ZFP14: variants seen among roughly 807,000 people sequenced by gnomAD.
The protein encoded by ZFP14 is ZFP14 zinc finger protein, also known as zinc finger protein 14 homolog.
Under a neutral mutation model 54.5 loss-of-function variants are expected in ZFP14, and 22 were observed. That is an observed-to-expected ratio of 0.40 (90% CI 0.29 to 0.58). ZFP14 has a LOEUF of 0.58. Ranked by LOEUF, ZFP14 falls within the 20% of genes least tolerant of loss-of-function variation. The probability of loss-of-function intolerance (pLI) is 0.39; values close to 1 mark genes in which losing one functional copy is unlikely to be tolerated. For synonymous variants in ZFP14, 159 were observed against 204.0 expected, an observed-to-expected ratio of 0.78 and a Z score of 1.88; for missense variants, 470 against 637.8, an observed-to-expected ratio of 0.74 and a Z score of 2.83.
intron 4 of ZFP14, among the ~76,000 whole-genome samples, chr19:36,348,882 A>AT (rs567162694): frequency 4.3e-4 from 66 of 151,946 alleles, no homozygotes; most frequent in Non-Finnish European, 6.3e-4. Context: ...GCTGGCTTGT[A>AT]TTTTTTTTAT....
At chr19:36,368,351 C>T (rs1327013243) in intron 1 of ZFP14, among the ~76,000 whole-genome samples, 2 of 152,126 alleles carry the variant, frequency 1.3e-5, no homozygotes, top group African/African-American at 4.8e-5. Flanking sequence ...GCTTGTAATC[C>T]CAGCTACTCG....
chr19:36,363,441 C>G (rs1402594132), intron 2 of ZFP14, among the ~76,000 whole-genome samples: 2 of 151,662 alleles, frequency 1.3e-5, no homozygotes, highest in East Asian at 3.9e-4. Context: ...GTGATCCGCC[C>G]GCCTCGGCTT....
At chr19:36,342,462 C>A (rs894209017) in intron 4 of ZFP14, among the ~76,000 whole-genome samples, 4 of 152,172 alleles carry the variant, frequency 2.6e-5, no homozygotes, top group African/African-American at 9.7e-5. Flanking sequence ...GCTGGGATTA[C>A]AGGTGTGAGC....
At chr19:36,360,321 G>A (rs1454630188) in intron 4 of ZFP14, 114 bp downstream of exon 4, 5 of 841,450 alleles carry the variant, frequency 5.9e-6, no homozygotes, top group Non-Finnish European at 8.7e-6. Flanking sequence ...GCCTCCATAG[G>A]CCAGGGGCTT....
chr19:36,350,593 C>T lies in ZFP14; in HGVS notation c.236-9003G>A, dbSNP rs1376849590. ...TCCAACCTGGGCATCCAAGCAAGAT[C>T]CTGTCTTTAAAAAACCAAAAAAAAA... On this transcript the variant is annotated intron_variant, in intron 4 of 4. Transcript: ENST00000270001. Among the ~76,000 whole-genome samples, 23 of 140,270 alleles carry T rather than the reference C, an allele frequency of 1.6e-4. 4 individuals carry two copies. Among genetic ancestry groups the T allele is most frequent in the Non-Finnish European group, 3.6e-4 (23 of 63,756 alleles). 92.0% of individuals were successfully genotyped at this position (140,270 alleles called of 152,430 possible). A position where few individuals can be genotyped will look rare whatever the true frequency, so the allele number is the denominator to read the frequency against.
chr19:36,346,763 C>T (rs2031423224), intron 4 of ZFP14, among the ~76,000 whole-genome samples: 1 of 152,214 alleles, frequency 6.6e-6, no homozygotes, highest in South Asian at 2.1e-4. Context: ...GCCGCTCTCA[C>T]ATTTTTTGTA....
rs1353274199 is a variant in ZFP14, at chr19:36,348,599, C to T, written c.236-7009G>A. On this transcript the variant is annotated intron_variant, in intron 4 of 4. Transcript: ENST00000270001. ...GCAACCTCCGCCTCCTGGATTCAAG[C>T]GATTCTCCTGCCTCAGCCTCCCAAG... is the stretch of plus-strand genomic sequence containing the variant. Among the ~76,000 whole-genome samples, 4 of 152,226 alleles carry T rather than the reference C, an allele frequency of 2.6e-5. No homozygotes were observed. In the East Asian group the frequency reaches 5.8e-4, roughly 22 times the overall value.
At chr19:36,356,736 T>C (rs1177977305) in intron 4 of ZFP14, among the ~76,000 whole-genome samples, 1 of 131,898 alleles carries the variant, frequency 7.6e-6, no homozygotes, top group Non-Finnish European at 1.7e-5. Flanking sequence ...ATGTAGTGCA[T>C]AACCATTTGT....
Position 36,340,154 on chromosome 19 carries a change from A to T in ZFP14, c.*70T>A. 2.1e-6 allele frequency: 3 copies of T among 1,426,352 alleles called. No individual in the cohort carries two copies. Among genetic ancestry groups the T allele is most frequent in the Non-Finnish European group, 2.8e-6 (3 of 1,073,008 alleles). The allele number at this position is 1,426,352 out of a possible 1,614,324, so 88.4% of individuals were successfully genotyped here. Reference sequence around the variant, plus strand: ...TTTATTATGCTTGGAATTGAGCATGAAACACATTTTCTCAAAAATGAATTT... The same window carrying T: ...TTTATTATGCTTGGAATTGAGCATGTAACACATTTTCTCAAAAATGAATTT... On this transcript the variant is annotated 3_prime_UTR_variant, in exon 5 of 5. Coordinates refer to ENST00000270001, the MANE Select transcript of ZFP14 (RefSeq NM_020917.3). The surrounding 1 kb of genome is among the most constrained non-coding windows in gnomAD (Gnocchi z 5.4).
At chr19:36,371,833 C>T (rs1232437190) in intron 1 of ZFP14, among the ~76,000 whole-genome samples, 1 of 151,982 alleles carries the variant, frequency 6.6e-6, no homozygotes, top group Non-Finnish European at 1.5e-5. Flanking sequence ...TTGCATGTGC[C>T]TGTAGTTCCA....
chr19:36,349,231 C>CAAAAAAAAAAAAAA (rs1308523351), intron 4 of ZFP14, among the ~76,000 whole-genome samples: 12 of 4,248 alleles, frequency 2.8e-3, no homozygotes, highest in Middle Eastern at 0.25. Context: ...AACTCTGTCT[C>CAAAAAAAAAAAAAA]AAAAAAAAAA....
At chr19:36,355,913 TTAAA>T (rs941191317) in intron 4 of ZFP14, among the ~76,000 whole-genome samples, 2 of 141,930 alleles carry the variant, frequency 1.4e-5, no homozygotes, top group African/African-American at 5.2e-5. Context: ...TGATACAGAT[TTAAA>T]TAGAGATGAA....
At chr19:36,355,641 C>A (rs1363225868) in intron 4 of ZFP14, among the ~76,000 whole-genome samples, 1 of 138,330 alleles carries the variant, frequency 7.2e-6, no homozygotes, top group African/African-American at 2.7e-5. Flanking sequence ...TGTGATGGCA[C>A]CATTGCACTC....
At position 36,360,515 on chromosome 19, in the gene ZFP14, G is replaced by C. The variant is rs139300021; in HGVS notation, c.155C>G (p.Pro52Arg). 6.2e-7 allele frequency: 1 copy of C among 1,612,700 alleles called. No individual in the cohort carries two copies. The highest frequency in any genetic ancestry group is 1.3e-5 in the African/African-American group (1 of 74,870). ...FISLGPSISK[P>R]DVITLLDEER... is the part of the protein sequence containing the mutation. ...TTCATCCAATAAGGTAATCACATCT[G>C]GTTTAGAAATGGAAGGTCCTGCTTA... Residue 52 changes from proline (P) to arginine (R), a missense_variant, in exon 4 of 5, where the codon CCA becomes CGA. Coordinates refer to ENST00000270001, the MANE Select transcript of ZFP14 (RefSeq NM_020917.3).
intron 2 of ZFP14, among the ~76,000 whole-genome samples, chr19:36,365,959 CAA>C (rs57704508): frequency 5.8e-5 from 8 of 136,880 alleles, no homozygotes; most frequent in Non-Finnish European, 7.9e-5. Context: ...GACCTTCTGT[CAA>C]AAAAAAAAAA....
intron 4 of ZFP14, among the ~76,000 whole-genome samples, chr19:36,354,387 AG>A (rs2031580935): frequency 7.2e-6 from 1 of 138,384 alleles, no homozygotes; most frequent in African/African-American, 2.7e-5. Flanking sequence ...AAAAAAAAAA[AG>A]TCAAATGCCT....
intron 1 of ZFP14, among the ~76,000 whole-genome samples, chr19:36,375,867 A>G (rs1323405694): frequency 6.8e-6 from 1 of 146,948 alleles, no homozygotes; most frequent in African/African-American, 2.5e-5. Context: ...TAATTTTTGT[A>G]TTTTCAGTAG....
rs905284228 is a variant in ZFP14, at chr19:36,362,230, C to G, written c.18G>C (p.Val6=). 4 of 1,588,782 alleles carry G rather than the reference C, an allele frequency of 2.5e-6. No homozygotes were observed. In the African/African-American group the frequency reaches 4.1e-5, roughly 16 times the overall value. The change falls in exon 3 of 5, where the codon GTG becomes GTC. Residue 6 remains valine, a synonymous_variant. Transcript: ENST00000270001. ...AGTCTATGGCCACATCCCTGAATGTCACTGAACCCTGAAAAAACAAACTCA... is the reference window on the plus strand; with the variant it reads ...AGTCTATGGCCACATCCCTGAATGTGACTGAACCCTGAAAAAACAAACTCA... The part of the protein sequence containing the change: MAHGS[V]TFRDVAIDFS...
chr19:36,377,722 T>C (rs2031985021), intron 1 of ZFP14, among the ~76,000 whole-genome samples: 1 of 152,126 alleles, frequency 6.6e-6, no homozygotes, highest in Non-Finnish European at 1.5e-5. Flanking sequence ...GGCTCATCCC[T>C]GTAGTTCTAG....
Sources: allele counts gnomAD v4.1 joint callset (sites outside exome capture counted in the v4.1 genomes callset), GRCh38; gene constraint gnomAD v4.1.1; non-coding constraint Gnocchi (gnomAD v3.1); transcripts MANE v1.5; gene names NCBI Gene and HGNC (gene_info 2026-07-23, HGNC 2026-07-21).